The following PABPN1L variants were observed in gnomAD, a reference collection of about 807,000 sequenced individuals.
PABPN1L encodes the protein embryonic polyadenylate-binding protein 2.
Under a neutral mutation model 34.0 loss-of-function variants are expected in PABPN1L, and 45 were observed. The ratio of observed to expected loss-of-function variants is 1.32; its 90% CI spans 1.04 to 1.70. PABPN1L has a LOEUF of 1.70. Ranked by LOEUF, PABPN1L falls within the 40% of genes most tolerant of loss-of-function variation. The pLI is 0.00. For synonymous variants in PABPN1L, 182 were observed against 152.1 expected, an observed-to-expected ratio of 1.20 and a Z score of -1.45; for missense variants, 459 against 367.8, an observed-to-expected ratio of 1.25 and a Z score of -2.03.
chr16:88,865,556 C>T lies in PABPN1L; in HGVS notation c.459+7G>A. On this transcript the variant is annotated splice_region_variant and intron_variant, in intron 3 of 6. Transcript: ENST00000419291. Reference sequence around the variant, plus strand: ...CTGCCTGCCCCTTCACCCCGCCCACCACTCACGTTGCCCACGTAGACGGAT... The same window carrying T: ...CTGCCTGCCCCTTCACCCCGCCCACTACTCACGTTGCCCACGTAGACGGAT... 1 of 1,611,002 alleles carries T rather than the reference C, an allele frequency of 6.2e-7. No homozygotes were observed. Among genetic ancestry groups the T allele is most frequent in the Non-Finnish European group, 8.5e-7 (1 of 1,179,230 alleles).
At chr16:88,866,598 G>A (rs1968606835) in exon 1 of PABPN1L, 2 of 1,545,886 alleles carry the variant, frequency 1.3e-6, no homozygotes, top group Non-Finnish European at 1.7e-6. Context: ...GGCTCGGGAA[G>A]GGCCACATGG....
upstream of PABPN1L, among the ~76,000 whole-genome samples, chr16:88,867,873 A>G (rs774522851): frequency 5.0e-4 from 76 of 152,016 alleles, no homozygotes; most frequent in Admixed American, 4.6e-4. Context: ...CATGGCTCTT[A>G]CCCCTGCCAT....
In PABPN1L at chr16:88,863,832, AGAG is replaced by A. The variant is rs1014304868; in HGVS notation, c.798-40_798-38del. ...GAGAACACACACTGAGTGGCCTTCC[AGAG>A]GAGAAGGGGTGGTGGCCCAGGGCCC... On this transcript the variant is annotated intron_variant, in intron 6 of 6. Transcript: ENST00000419291. 6 of 1,527,126 alleles carry A rather than the reference AGAG, an allele frequency of 3.9e-6. No homozygotes were observed. The African/African-American group carries it at 5.5e-5, about 14-fold the overall frequency. The allele number at this position is 1,527,126 out of a possible 1,614,324, so 94.6% of individuals were successfully genotyped here.
chr16:88,864,124 G>A (rs936400002), intron 6 of PABPN1L, 113 bp downstream of exon 6: 10 of 1,354,292 alleles, frequency 7.4e-6, no homozygotes, highest in Middle Eastern at 2.6e-4. Flanking sequence ...CCCAGGCCCC[G>A]CCAGGTACAT....
At chr16:88,866,435 C>T in exon 1 of PABPN1L, 1 of 1,551,620 alleles carries the variant, frequency 6.4e-7, no homozygotes, top group Non-Finnish European at 8.7e-7. Context: ...TGGTCTTCCT[C>T]TGCATCCTCT....
chr16:88,866,768 G>T (rs1482705473), upstream of PABPN1L: 9 of 1,024,806 alleles, frequency 8.8e-6, no homozygotes, highest in Non-Finnish European at 1.2e-5. Context: ...TTCCAGCCTT[G>T]GCTCCCGGCC....
chr16:88,868,935 C>G (rs1968651538), upstream of PABPN1L, among the ~76,000 whole-genome samples: 1 of 152,188 alleles, frequency 6.6e-6, no homozygotes, highest in South Asian at 2.1e-4. Flanking sequence ...TGTCCCATAC[C>G]TGGGAAGATA....
upstream of PABPN1L, among the ~76,000 whole-genome samples, chr16:88,870,118 G>T (rs1200858120): frequency 2.0e-5 from 3 of 151,296 alleles, no homozygotes; most frequent in African/African-American, 7.3e-5. Flanking sequence ...TTGAGATGGA[G>T]TCTCACTCTG....
intron 1 of PABPN1L, 97 bp from the exon 2 acceptor site, chr16:88,866,038 C>T: frequency 6.9e-7 from 1 of 1,451,078 alleles, no homozygotes; most frequent in Non-Finnish European, 9.1e-7. Context: ...GGGTCACAGC[C>T]CCAAGGGGCA....
At chr16:88,865,964 C>G (rs780627687) in intron 1 of PABPN1L, 23 bp from the exon 2 acceptor site, 1 of 1,596,556 alleles carries the variant, frequency 6.3e-7, no homozygotes, top group African/African-American at 1.3e-5. Context: ...GGCCCTGAGC[C>G]GGGCAGGCAG....
At chr16:88,865,390 G>C (rs562562132) in intron 3 of PABPN1L, among the ~76,000 whole-genome samples, 173 bp downstream of exon 3, 1 of 152,076 alleles carries the variant, frequency 6.6e-6, no homozygotes, top group Middle Eastern at 3.4e-3. Flanking sequence ...TCCAGCTCAT[G>C]TTGAAAAACT....
At chr16:88,866,432 C>T (rs372165805) in exon 1 of PABPN1L, 2 of 1,551,538 alleles carry the variant, frequency 1.3e-6, no homozygotes, top group African/African-American at 2.7e-5. Flanking sequence ...TCCTGGTCTT[C>T]CTCTGCATCC....
chr16:88,866,694 T>C, upstream of PABPN1L: 1 of 1,437,910 alleles, frequency 7.0e-7, no homozygotes, highest in Non-Finnish European at 9.1e-7. Flanking sequence ...CCTGGAGTTT[T>C]AAGCCCTCCC....
chr16:88,866,576 G>A, exon 1 of PABPN1L: 8 of 1,553,386 alleles, frequency 5.2e-6, no homozygotes, highest in Non-Finnish European at 6.1e-6. Flanking sequence ...GTCGGGGGTG[G>A]GAAGAGAGAG....
chr16:88,865,656 C>T (rs773611173), intron 2 of PABPN1L, 26 bp from the exon 3 acceptor site: 1 of 1,589,224 alleles, frequency 6.3e-7, no homozygotes, highest in Non-Finnish European at 8.6e-7. Context: ...CTCAGGCCCG[C>T]AGGCCCTTGG....
upstream of PABPN1L, chr16:88,866,657 C>G: frequency 6.7e-7 from 1 of 1,481,876 alleles, no homozygotes; most frequent in Non-Finnish European, 9.0e-7. Flanking sequence ...CCTCCACTCC[C>G]CTCGCGTCCG....
At chr16:88,863,941 G>C (rs1192742284) in intron 6 of PABPN1L, 146 bp from the exon 7 acceptor site, 3 of 929,354 alleles carry the variant, frequency 3.2e-6, no homozygotes, top group African/African-American at 1.7e-5. Flanking sequence ...GTGACTCCCA[G>C]CTGCTCTCTT....
chr16:88,867,640 TG>T (rs35243501), upstream of PABPN1L, among the ~76,000 whole-genome samples: 1 of 151,732 alleles, frequency 6.6e-6, no homozygotes, highest in Admixed American at 6.6e-5. Context: ...GGGGTCTCCG[TG>T]GGGAGTGACG....
chr16:88,867,255 T>C (rs535359503), upstream of PABPN1L, among the ~76,000 whole-genome samples: 39 of 148,040 alleles, frequency 2.6e-4, no homozygotes, highest in Non-Finnish European at 4.6e-4. Flanking sequence ...TAGGCAGGAG[T>C]CTTGCTTTGT....
Sources: gnomAD v4.1 joint callset for allele counts (sites outside exome capture counted in the v4.1 genomes callset) on GRCh38, gnomAD v4.1.1 for gene constraint, MANE v1.5 for transcripts, NCBI Gene and HGNC (gene_info 2026-07-23, HGNC 2026-07-21) for gene names.